The following ZFYVE28 variants were observed in gnomAD, a reference collection of about 807,000 sequenced individuals.
ZFYVE28 encodes zinc finger FYVE-type containing 28, also known as lateral signaling target protein 2 homolog.
ZFYVE28 carries 40 observed loss-of-function variants against 82.1 expected under a neutral mutation model. The observed-to-expected ratio is 0.49, with a 90% CI of 0.38 to 0.63. The LOEUF (loss-of-function observed/expected upper bound fraction) is 0.63, where lower values mean the gene tolerates loss of function less well. Ranked by LOEUF, ZFYVE28 falls within the 30% of genes least tolerant of loss-of-function variation. The pLI, the probability that ZFYVE28 is intolerant of heterozygous loss-of-function variation, is 0.00. For missense variants in ZFYVE28, 1,321 were observed against 1,242.1 expected (o/e 1.06, Z -0.96); for synonymous variants, 612 against 546.1 (o/e 1.12, Z -1.68).
chr4:2,397,618 T>G (rs1730621056), intron 1 of ZFYVE28, among the ~76,000 whole-genome samples: 1 of 152,148 alleles, frequency 6.6e-6, no homozygotes, highest in African/African-American at 2.4e-5. Context: ...CAGACTACTT[T>G]CCATATCTAT....
At chr4:2,272,825 G>T (rs1736031678) in intron 10 of ZFYVE28, among the ~76,000 whole-genome samples, 1 of 152,266 alleles carries the variant, frequency 6.6e-6, no homozygotes. Context: ...CAGACGCAGA[G>T]GTGCAGTCAC....
At chr4:2,382,823 C>T (rs1362233467) in intron 1 of ZFYVE28, among the ~76,000 whole-genome samples, 1 of 152,134 alleles carries the variant, frequency 6.6e-6, no homozygotes, top group Non-Finnish European at 1.5e-5. Flanking sequence ...ATTGGACTTA[C>T]AGTTCCATAT....
intron 7 of ZFYVE28, chr4:2,306,862 G>A (rs762554042): frequency 2.0e-5 from 3 of 152,180 alleles, no homozygotes; most frequent in Admixed American, 6.5e-5. Context: ...GTAAATATAC[G>A]TAGTTCCTTT....
intron 1 of ZFYVE28, among the ~76,000 whole-genome samples, chr4:2,400,298 T>C (rs1400042815): frequency 6.6e-6 from 1 of 152,176 alleles, no homozygotes; most frequent in African/African-American, 2.4e-5. Context: ...ATGACGCCCA[T>C]CAAGTTACTG....
chr4:2,325,788 T>A (rs879623379), intron 6 of ZFYVE28, among the ~76,000 whole-genome samples: 63 of 152,038 alleles, frequency 4.1e-4, no homozygotes, highest in Admixed American at 3.3e-3. Flanking sequence ...GGATGAGGTT[T>A]CACTATGTTG....
intron 1 of ZFYVE28, among the ~76,000 whole-genome samples, chr4:2,414,596 T>A (rs1204906672): frequency 1.3e-5 from 2 of 152,194 alleles, no homozygotes; most frequent in African/African-American, 4.8e-5. Context: ...ACATGGGAAC[T>A]ACCCCATCCA....
chr4:2,289,350 G>C (rs1347694639), intron 8 of ZFYVE28, among the ~76,000 whole-genome samples: 1 of 152,234 alleles, frequency 6.6e-6, no homozygotes, highest in Non-Finnish European at 1.5e-5. Flanking sequence ...TCGAACAAGG[G>C]TGCCCCTCAG....
At chr4:2,356,462 G>A (rs1215664601) in intron 1 of ZFYVE28, among the ~76,000 whole-genome samples, 12 of 121,050 alleles carry the variant, frequency 9.9e-5, no homozygotes, top group East Asian at 5.5e-4. Context: ...CTGCCCCCCC[G>A]GCCGTTGGTG....
intron 1 of ZFYVE28, among the ~76,000 whole-genome samples, chr4:2,398,993 T>C (rs59207727): frequency 5.8e-5 from 5 of 86,348 alleles, no homozygotes; most frequent in East Asian, 7.7e-4. Flanking sequence ...GTGGCGAGAT[T>C]GAGGGCACAA....
intron 7 of ZFYVE28, among the ~76,000 whole-genome samples, chr4:2,311,465 G>A (rs1268513808): frequency 6.6e-6 from 1 of 152,164 alleles, no homozygotes; most frequent in East Asian, 1.9e-4. Flanking sequence ...GGCAGAGGCT[G>A]CAGTGAGCCG....
At chr4:2,331,813 A>T (rs1420113326) in intron 6 of ZFYVE28, among the ~76,000 whole-genome samples, 2 of 152,210 alleles carry the variant, frequency 1.3e-5, no homozygotes, top group African/African-American at 4.8e-5. Flanking sequence ...GGTGCCACCC[A>T]GCACTCCCTT....
At chr4:2,287,868 A>C (rs888199231) in intron 8 of ZFYVE28, among the ~76,000 whole-genome samples, 9 of 152,228 alleles carry the variant, frequency 5.9e-5, no homozygotes, top group Non-Finnish European at 1.2e-4. Flanking sequence ...GTTCCAAAGT[A>C]CTGAACATAA....
chr4:2,350,447 G>C (rs1346057501), intron 2 of ZFYVE28, among the ~76,000 whole-genome samples: 1 of 151,694 alleles, frequency 6.6e-6, no homozygotes, highest in Middle Eastern at 3.2e-3. Flanking sequence ...CTGGGCGACA[G>C]AGCGAGACTC....
intron 1 of ZFYVE28, among the ~76,000 whole-genome samples, chr4:2,404,437 A>G (rs1284168910): frequency 6.6e-6 from 1 of 152,256 alleles, no homozygotes. Context: ...ATGACAGCCA[A>G]AAATGGAGAC....
At chr4:2,396,374 T>C (rs7683531) in intron 1 of ZFYVE28, among the ~76,000 whole-genome samples, 70 of 3,504 alleles carry the variant, frequency 0.02, 12 homozygotes, top group African/African-American at 0.12. Context: ...AGAGGGGCCA[T>C]AAGGCGGGGT....
intron 1 of ZFYVE28, among the ~76,000 whole-genome samples, chr4:2,397,632 C>A (rs2108930884): frequency 6.6e-6 from 1 of 152,298 alleles, no homozygotes; most frequent in Admixed American, 6.5e-5. Context: ...TATCTATGAA[C>A]ATCATGCCTC....
chr4:2,274,070 C>G lies in ZFYVE28; in HGVS notation c.2198G>C (p.Cys733Ser). The change falls in exon 9 of 13, where the codon TGC becomes TCC. Residue 733 changes from cysteine (C) to serine (S), a missense_variant. By Grantham distance (112) the Cys-to-Ser change is moderately radical. Coordinates refer to ENST00000290974, the MANE Select transcript of ZFYVE28 (RefSeq NM_020972.3). ...AGGCCCTGACATGACACCTGAAATGCAGACGAACAGGCGGTGGATGAGGTC... is the reference window on the plus strand; with the variant it reads ...AGGCCCTGACATGACACCTGAAATGGAGACGAACAGGCGGTGGATGAGGTC... Reference protein sequence around the residue: ...SHDLIHRLFVCISGVADQLQT... With the variant: ...SHDLIHRLFVSISGVADQLQT... The G allele has an allele frequency of 3.1e-6, 5 of 1,614,004 alleles. No individual in the cohort carries two copies. Among genetic ancestry groups the G allele is most frequent in the Non-Finnish European group, 4.2e-6 (5 of 1,179,964 alleles).
intron 1 of ZFYVE28, among the ~76,000 whole-genome samples, chr4:2,397,859 A>T (rs1205345581): frequency 6.6e-6 from 1 of 152,144 alleles, no homozygotes; most frequent in Non-Finnish European, 1.5e-5. Flanking sequence ...CATTGCTGCA[A>T]ACACACATGT....
intron 7 of ZFYVE28, among the ~76,000 whole-genome samples, chr4:2,313,497 A>G (rs1211663178): frequency 3.9e-5 from 6 of 152,216 alleles, no homozygotes; most frequent in Non-Finnish European, 8.8e-5. Context: ...GGCTCAAACA[A>G]TCCATCCACC....
Sources: gnomAD v4.1 joint callset for allele counts (sites outside exome capture counted in the v4.1 genomes callset) on GRCh38, gnomAD v4.1.1 for gene constraint, MANE v1.5 for transcripts, NCBI Gene and HGNC (gene_info 2026-07-23, HGNC 2026-07-21) for gene names.